IGFL2: variants seen among roughly 807,000 people sequenced by gnomAD.
The protein encoded by IGFL2 is IGF like family member 2, also known as insulin growth factor-like family member 2.
In IGFL2, 7 loss-of-function variants were observed where a neutral mutation model predicts 13.9. The ratio of observed to expected loss-of-function variants is 0.51; its 90% CI spans 0.29 to 0.95. The LOEUF (loss-of-function observed/expected upper bound fraction) is 0.95. Ranked by LOEUF, IGFL2 falls within the 40% of genes least tolerant of loss-of-function variation. The probability of loss-of-function intolerance (pLI) is 0.08; values close to 1 mark genes in which losing one functional copy is unlikely to be tolerated. For missense variants in IGFL2, 138 were observed against 147.8 expected (o/e 0.93, Z 0.34); for synonymous variants, 55 against 55.8 (o/e 0.99, Z 0.07).
the IGFL2 span, among the ~76,000 whole-genome samples, chr19:46,087,066 A>T: frequency 6.6e-6 from 1 of 152,324 alleles, no homozygotes; most frequent in African/African-American, 2.4e-5. Flanking sequence ...ATACACTGGC[A>T]TCAGTGTTAG....
intron 1 of IGFL2, among the ~76,000 whole-genome samples, chr19:46,152,151 A>G (rs539865872): frequency 2.6e-5 from 4 of 151,842 alleles, no homozygotes; most frequent in Admixed American, 6.6e-5. Flanking sequence ...TCCTAATTTC[A>G]TATTTAGATG....
At chr19:46,155,896 C>T (rs142513291) in intron 1 of IGFL2, among the ~76,000 whole-genome samples, 2,513 of 152,170 alleles carry the variant, frequency 0.017, 40 homozygotes, top group Non-Finnish European at 0.024. Context: ...ATGAAACTTC[C>T]TGATCTGTTA....
At chr19:46,105,638 C>T in the IGFL2 span, among the ~76,000 whole-genome samples, 3 of 152,060 alleles carry the variant, frequency 2.0e-5, no homozygotes, top group Non-Finnish European at 4.4e-5. Flanking sequence ...CTGAAGGAGC[C>T]AGGGGCAGAA....
At chr19:46,155,111 A>G (rs1449575367) in intron 1 of IGFL2, among the ~76,000 whole-genome samples, 1 of 152,188 alleles carries the variant, frequency 6.6e-6, no homozygotes, top group African/African-American at 2.4e-5. Context: ...AGGCAGGATC[A>G]GTGAAGCCCA....
chr19:46,114,764 A>C, the IGFL2 span, among the ~76,000 whole-genome samples: 2 of 152,166 alleles, frequency 1.3e-5, no homozygotes, highest in Non-Finnish European at 2.9e-5. Flanking sequence ...TTCCCAGCCA[A>C]GCGGAACTGT....
At chr19:46,092,719 T>A in the IGFL2 span, among the ~76,000 whole-genome samples, 3 of 152,102 alleles carry the variant, frequency 2.0e-5, no homozygotes, top group African/African-American at 7.2e-5. Flanking sequence ...GGCCTCAAGT[T>A]ATCCTCCTGC....
the IGFL2 span, among the ~76,000 whole-genome samples, chr19:46,098,730 C>T: frequency 6.6e-5 from 10 of 152,130 alleles, no homozygotes; most frequent in Non-Finnish European, 1.5e-4. Context: ...CCACCCGCCT[C>T]GGCCTCCCAA....
the IGFL2 span, among the ~76,000 whole-genome samples, chr19:46,193,753 T>C: frequency 6.6e-6 from 1 of 152,194 alleles, no homozygotes; most frequent in African/African-American, 2.4e-5. Context: ...ACTGTTCTAT[T>C]TTATTCTATC....
At chr19:46,156,842 A>G (rs1348791721) in intron 1 of IGFL2, among the ~76,000 whole-genome samples, 1 of 152,176 alleles carries the variant, frequency 6.6e-6, no homozygotes, top group Admixed American at 6.5e-5. Flanking sequence ...AATCAATGAA[A>G]TAAAGAGTTA....
the IGFL2 span, among the ~76,000 whole-genome samples, chr19:46,092,216 G>A: frequency 6.6e-6 from 1 of 152,176 alleles, no homozygotes; most frequent in African/African-American, 2.4e-5. Flanking sequence ...CTGGCCTGCA[G>A]TGGTGTGGTG....
At chr19:46,201,578 G>C in the IGFL2 span, among the ~76,000 whole-genome samples, 1 of 152,184 alleles carries the variant, frequency 6.6e-6, no homozygotes. Context: ...AGGACAATCT[G>C]TGTTCCCAGT....
chr19:46,098,478 CTTTTT>C, the IGFL2 span, among the ~76,000 whole-genome samples: 1 of 128,390 alleles, frequency 7.8e-6, no homozygotes. Flanking sequence ...CAATCTGTGT[CTTTTT>C]TTTTTTTTTT....
the IGFL2 span, among the ~76,000 whole-genome samples, chr19:46,088,108 G>A: frequency 3.9e-5 from 6 of 152,122 alleles, no homozygotes; most frequent in Non-Finnish European, 8.8e-5. Flanking sequence ...ATTCTGGCTC[G>A]GCAGGCCACT....
chr19:46,200,034 G>A, the IGFL2 span, among the ~76,000 whole-genome samples: 4 of 151,914 alleles, frequency 2.6e-5, no homozygotes, highest in Admixed American at 2.0e-4. Context: ...ACGCCACCAC[G>A]CCTGGCTAAT....
the IGFL2 span, among the ~76,000 whole-genome samples, chr19:46,174,644 G>A: frequency 2.0e-5 from 3 of 152,146 alleles, no homozygotes; most frequent in Admixed American, 6.5e-5. Flanking sequence ...TAGGAAAGAC[G>A]TTTCCCCAGT....
chr19:46,169,020 A>G, the IGFL2 span, among the ~76,000 whole-genome samples: 1 of 152,000 alleles, frequency 6.6e-6, no homozygotes, highest in African/African-American at 2.4e-5. Flanking sequence ...TATATCCAAC[A>G]TAGTGGGACC....
chr19:46,149,893 A>T (rs78279869), intron 1 of IGFL2, among the ~76,000 whole-genome samples: 2 of 152,212 alleles, frequency 1.3e-5, no homozygotes, highest in African/African-American at 4.8e-5. Context: ...GGGTGTACAC[A>T]TAGGAGTGGA....
chr19:46,148,798 C>T (rs540821218), intron 1 of IGFL2: 247 of 1,415,800 alleles, frequency 1.7e-4, no homozygotes, highest in Non-Finnish European at 2.0e-4. Flanking sequence ...AGGTCCCCTG[C>T]CAGCTCATCA....
At chr19:46,139,284 G>A (rs376457750), upstream of IGFL2, among the ~76,000 whole-genome samples, 6 of 150,468 alleles carry the variant, frequency 4.0e-5, no homozygotes, top group East Asian at 7.8e-4. Flanking sequence ...CTTGGTGGGA[G>A]AAGCTCTTCC....
Sources: allele counts gnomAD v4.1 joint callset (sites outside exome capture counted in the v4.1 genomes callset), GRCh38; gene constraint gnomAD v4.1.1; transcripts MANE v1.5; gene names NCBI Gene and HGNC (gene_info 2026-07-23, HGNC 2026-07-21).